The following MBD5 variants were observed in gnomAD, a reference collection of about 807,000 sequenced individuals.
MBD5 encodes methyl-CpG-binding domain protein 5.
A neutral mutation model predicts 117.3 loss-of-function variants in MBD5; 13 were observed. The ratio of observed to expected loss-of-function variants is 0.11; its 90% confidence interval spans 0.07 to 0.18. MBD5 has a LOEUF of 0.18. Ranked by LOEUF, MBD5 falls within the 10% of genes least tolerant of loss-of-function variation. The probability of loss-of-function intolerance (pLI) is 1.00; values close to 1 mark genes in which losing one functional copy is unlikely to be tolerated. For synonymous variants in MBD5, 727 were observed against 766.4 expected (o/e 0.95, Z 0.85); for missense variants, 1,879 against 2,093.8 (o/e 0.90, Z 2.00).
At chr2:148,417,288 CTTTTTTTTTTTTT>C (rs745409695) in intron 4 of MBD5, among the ~76,000 whole-genome samples, 3 of 91,806 alleles carry the variant, frequency 3.3e-5, no homozygotes, top group African/African-American at 8.9e-5. Flanking sequence ...ATGCACAGCT[CTTTTTTTTTTTTT>C]TTTTTTTTTG....
intron 3 of MBD5, among the ~76,000 whole-genome samples, chr2:148,299,739 C>G (rs1267493646): frequency 1.3e-5 from 2 of 152,158 alleles, no homozygotes; most frequent in Admixed American, 6.5e-5. Flanking sequence ...GCAGAGTTAA[C>G]AAGTTTCTAT....
At chr2:148,093,899 A>G (rs1696001158) in intron 1 of MBD5, among the ~76,000 whole-genome samples, 1 of 152,230 alleles carries the variant, frequency 6.6e-6, no homozygotes, top group Non-Finnish European at 1.5e-5. Context: ...AATTATTACA[A>G]GAACTACTTA....
At chr2:148,412,364 G>A (rs1392237963) in intron 4 of MBD5, among the ~76,000 whole-genome samples, 10 of 151,800 alleles carry the variant, frequency 6.6e-5, no homozygotes, top group Non-Finnish European at 2.9e-5. Context: ...GAGACAGAGA[G>A]AGAGAGTGAG....
At chr2:148,512,797 T>A (rs1013287960) in intron 13 of MBD5, 73 bp from the exon 14 acceptor site, 4 of 1,379,182 alleles carry the variant, frequency 2.9e-6, no homozygotes. Flanking sequence ...CCTGCTCCTT[T>A]GTCAGAAATT....
chr2:148,150,507 C>A lies in MBD5; in HGVS notation c.-924-28193C>A, dbSNP rs371899606. 2.6e-3 allele frequency among the ~76,000 whole-genome samples: 394 copies of A among 152,160 alleles called. 1 individual carries two copies. Among genetic ancestry groups the A allele is most frequent in the African/African-American group, 8.9e-3 (368 of 41,520 alleles). On this transcript the variant is annotated intron_variant, in intron 1 of 13. Transcript: ENST00000642680. ...TCATTGGTAGCTTGATGGGGATGGC[C>A]TTGAATCTGTAAATTACCTTGGGCA...
chr2:148,114,285 C>T (rs548341599), intron 1 of MBD5, among the ~76,000 whole-genome samples: 7 of 152,138 alleles, frequency 4.6e-5, no homozygotes, highest in South Asian at 2.1e-4. Context: ...GCCTGGCCAA[C>T]GTGGTGAAAG....
intron 3 of MBD5, among the ~76,000 whole-genome samples, chr2:148,254,503 G>A (rs1700537260): frequency 6.6e-6 from 1 of 152,262 alleles, no homozygotes. Context: ...AGAACCACCA[G>A]GGGGCTCATC....
At chr2:148,371,431 A>G (rs1703849910) in intron 4 of MBD5, among the ~76,000 whole-genome samples, 2 of 152,184 alleles carry the variant, frequency 1.3e-5, no homozygotes. Flanking sequence ...AACATATTAA[A>G]AAAAGAGAAA....
chr2:148,448,842 G>C (rs1404182), intron 4 of MBD5, among the ~76,000 whole-genome samples: 130,121 of 151,982 alleles, frequency 0.86, 56,753 homozygotes, highest in East Asian at 1. Flanking sequence ...AGACAAAACA[G>C]TAGTAATGCA....
chr2:148,464,205 G>T (rs1707184646), intron 7 of MBD5, among the ~76,000 whole-genome samples: 1 of 152,098 alleles, frequency 6.6e-6, no homozygotes, highest in South Asian at 2.1e-4. Flanking sequence ...GCTAACAAAA[G>T]TTCCCTTGGT....
chr2:148,427,586 C>T (rs1340919626), intron 4 of MBD5, among the ~76,000 whole-genome samples: 2 of 151,124 alleles, frequency 1.3e-5, no homozygotes, highest in Non-Finnish European at 2.9e-5. Flanking sequence ...GGGAATTGAA[C>T]AATGAAAACA....
intron 1 of MBD5, among the ~76,000 whole-genome samples, chr2:148,037,901 G>A (rs868616583): frequency 1.3e-5 from 2 of 151,954 alleles, no homozygotes; most frequent in Non-Finnish European, 2.9e-5. Context: ...ATTTATGAGT[G>A]ATATACATTA....
chr2:148,232,575 G>T (rs987626), intron 2 of MBD5, among the ~76,000 whole-genome samples: 45,458 of 151,500 alleles, frequency 0.3, 7,305 homozygotes, highest in South Asian at 0.43. Context: ...CTGGGCTCAA[G>T]TGATCCTCCT....
intron 4 of MBD5, among the ~76,000 whole-genome samples, chr2:148,444,183 CT>C: frequency 6.6e-6 from 1 of 151,566 alleles, no homozygotes; most frequent in East Asian, 1.9e-4. Flanking sequence ...CCATCTTCTT[CT>C]CATAAGTTAG....
chr2:148,040,394 A>G (rs895492000), intron 1 of MBD5, among the ~76,000 whole-genome samples: 2 of 152,098 alleles, frequency 1.3e-5, no homozygotes, highest in African/African-American at 2.4e-5. Context: ...AAAATTATAA[A>G]TAATGTCATG....
chr2:148,432,505 T>C (rs1372756244), intron 4 of MBD5, among the ~76,000 whole-genome samples: 5 of 152,158 alleles, frequency 3.3e-5, no homozygotes, highest in Non-Finnish European at 7.4e-5. Flanking sequence ...TTTTAGGTTT[T>C]ACATTAAGTC....
chr2:148,177,040 C>T (rs1035697700), intron 1 of MBD5, among the ~76,000 whole-genome samples: 18 of 152,062 alleles, frequency 1.2e-4, no homozygotes, highest in African/African-American at 4.1e-4. Flanking sequence ...GATAGCAAAG[C>T]TTACAAAAGA....
intron 4 of MBD5, among the ~76,000 whole-genome samples, chr2:148,388,140 A>T (rs1421647935): frequency 1.3e-5 from 2 of 152,214 alleles, no homozygotes; most frequent in Non-Finnish European, 2.9e-5. Flanking sequence ...CAAAGGAACA[A>T]AATACATTGT....
At chr2:148,299,375 GC>G (rs1701729799) in intron 3 of MBD5, among the ~76,000 whole-genome samples, 3 of 152,094 alleles carry the variant, frequency 2.0e-5, no homozygotes, top group Admixed American at 2.0e-4. Flanking sequence ...TGGTCCACCT[GC>G]CTCAGCCTCC....
Sources: allele counts gnomAD v4.1 joint callset (sites outside exome capture counted in the v4.1 genomes callset), GRCh38; gene constraint gnomAD v4.1.1; transcripts MANE v1.5; gene names NCBI Gene and HGNC (gene_info 2026-07-23, HGNC 2026-07-21).